The following ERV3-1 variants were observed in gnomAD, a reference collection of about 807,000 sequenced individuals.
ERV3-1 encodes the protein endogenous retrovirus group 3 member 1 Env polyprotein.
In ERV3-1, 36 loss-of-function variants were observed where a neutral mutation model predicts 24.6. The ratio of observed to expected loss-of-function variants is 1.47; its 90% CI spans 1.12 to 1.94. The LOEUF (loss-of-function observed/expected upper bound fraction) is 1.94. Ranked by LOEUF, ERV3-1 falls within the 30% of genes most tolerant of loss-of-function variation. ERV3-1 has a pLI of 0.00. For missense variants in ERV3-1, 578 were observed against 330.9 expected (o/e 1.75, Z -5.79); for synonymous variants, 211 against 122.6 (o/e 1.72, Z -4.76).
chr7:64,998,080 T>A (rs1215049974), intron 1 of ERV3-1, among the ~76,000 whole-genome samples: 1 of 151,902 alleles, frequency 6.6e-6, no homozygotes, highest in Admixed American at 6.6e-5. Flanking sequence ...TAGCCTGGAG[T>A]GTGTCACCAT....
chr7:64,997,955 C>G (rs576404671), intron 1 of ERV3-1, among the ~76,000 whole-genome samples: 1 of 152,118 alleles, frequency 6.6e-6, no homozygotes, highest in Admixed American at 6.5e-5. Flanking sequence ...CCGTGTTTCA[C>G]GGAGGGGCAT....
intron 1 of ERV3-1, among the ~76,000 whole-genome samples, chr7:64,996,590 C>G (rs1387793877): frequency 6.6e-6 from 1 of 152,148 alleles, no homozygotes; most frequent in African/African-American, 2.4e-5. Context: ...TCCTTGTGAC[C>G]CAAAGGTAAT....
intron 1 of ERV3-1, chr7:65,006,008 T>C (rs78940353): frequency 0.043 from 6,623 of 155,100 alleles, 462 homozygotes; most frequent in African/African-American, 0.15. Context: ...TCCTTTATCA[T>C]GCACTTTATA....
intron 1 of ERV3-1, among the ~76,000 whole-genome samples, chr7:64,999,160 C>T (rs1316469042): frequency 3.3e-5 from 5 of 152,174 alleles, no homozygotes; most frequent in Admixed American, 1.3e-4. Context: ...CGTCCTGTAG[C>T]CCCTTAGGTT....
intron 1 of ERV3-1, chr7:65,006,288 C>G (rs541796904): frequency 1.4e-5 from 8 of 585,372 alleles, no homozygotes; most frequent in African/African-American, 1.3e-4. Context: ...GGGGGCAGAG[C>G]TGCCCACAGA....
At chr7:65,001,494 A>G (rs954683370) in intron 1 of ERV3-1, among the ~76,000 whole-genome samples, 2 of 152,200 alleles carry the variant, frequency 1.3e-5, no homozygotes, top group Non-Finnish European at 2.9e-5. Context: ...GGGAGGTGTG[A>G]ACACATCAAT....
Position 64,991,713 on chromosome 7 carries a change from T to C in ERV3-1, c.1314A>G (p.Val438=), listed in dbSNP as rs777809800. 14 of 760,322 alleles carry C rather than the reference T, an allele frequency of 1.8e-5. No homozygotes were observed. The highest frequency in any genetic ancestry group is 5.1e-5 in the African/African-American group (3 of 59,062). The allele number at this position is 760,322 out of a possible 1,614,324, so 47.1% of individuals were successfully genotyped here. A position where few individuals can be genotyped will look rare whatever the true frequency, so the allele number is the denominator to read the frequency against. Residue 438 remains valine (V), a synonymous_variant, in exon 2 of 2, where the codon GTA becomes GTG. Coordinates refer to ENST00000394323, the MANE Select transcript of ERV3-1 (RefSeq NM_001007253.4). ...AGAAGGACGGCCTAATTGTCCCCAG[T>C]ACACAGGCCCCTGACCATTTAGCTG... ...QLPAKWSGAC[V]LGTIRPSFFL...
Position 64,992,772 on chromosome 7 carries a change from C to T in ERV3-1, c.255G>A (p.Lys85=). The part of the protein sequence containing the change: ...RGQPYVCYDP[K]SSPGTWFEIH... ...TTTCAAACCAGGTCCCAGGTGAAGA[C>T]TTAGGGTCATAACACACATAAGGCT... The change falls in exon 2 of 2, where the codon AAG becomes AAA. Residue 85 remains lysine, a synonymous_variant. Coordinates refer to ENST00000394323, the MANE Select transcript of ERV3-1 (RefSeq NM_001007253.4). 1.3e-6 allele frequency: 1 copy of T among 766,430 alleles called. No homozygotes were observed. Among genetic ancestry groups the T allele is most frequent in the Non-Finnish European group, 2.4e-6 (1 of 417,908 alleles). 47.5% of individuals were successfully genotyped at this position (766,430 alleles called of 1,614,324 possible). A position where few individuals can be genotyped will look rare whatever the true frequency, so the allele number is the denominator to read the frequency against.
In ERV3-1 at chr7:64,992,253, A is replaced by G; in HGVS notation, c.774T>C (p.Tyr258=). ...CAGGCAATTTCTGGTTAACATGCTC[A>G]TAGAATGACTCAAAAACTCGGAACT... The part of the protein sequence containing the change: ...TQQFRVFESF[Y]EHVNQKLPEP... Residue 258 remains tyrosine, a synonymous_variant, in exon 2 of 2, where the codon TAT becomes TAC. Transcript: ENST00000394323. 1 of 766,384 alleles carries G rather than the reference A, an allele frequency of 1.3e-6. No homozygotes were observed. Among genetic ancestry groups the G allele is most frequent in the Non-Finnish European group, 2.4e-6 (1 of 417,910 alleles). 47.5% of individuals were successfully genotyped at this position (766,384 alleles called of 1,614,324 possible). A position where few individuals can be genotyped will look rare whatever the true frequency, so the allele number is the denominator to read the frequency against.
rs562935178 is a variant in ERV3-1 at position 64,997,163 on chromosome 7, G to A, written c.-388-3749C>T. ...TCCATGGCTATGTCCACACCCACTC[G>A]CGATGCTAGTTTCCCTTCCTGTGAG... On this transcript the variant is annotated intron_variant, in intron 1 of 1. Coordinates refer to ENST00000394323, the MANE Select transcript of ERV3-1 (RefSeq NM_001007253.4). Among the ~76,000 whole-genome samples, 42 of 152,242 alleles carry A rather than the reference G, an allele frequency of 2.8e-4. 1 individual carries two copies. The highest frequency in any genetic ancestry group is 8.2e-4 in the African/African-American group (34 of 41,526).
chr7:64,997,398 C>T (rs1398991300), intron 1 of ERV3-1, among the ~76,000 whole-genome samples: 1 of 152,196 alleles, frequency 6.6e-6, no homozygotes, highest in Non-Finnish European at 1.5e-5. Context: ...TCTCAGTAGC[C>T]TCAGTGTCAA....
chr7:64,994,197 G>C (rs1055249856), intron 1 of ERV3-1, among the ~76,000 whole-genome samples: 6 of 152,290 alleles, frequency 3.9e-5, no homozygotes, highest in Middle Eastern at 6.8e-3. Flanking sequence ...GGGTTGTTCT[G>C]GGCACAGGTT....
chr7:65,004,535 C>A (rs990578531), intron 1 of ERV3-1: 12 of 152,150 alleles, frequency 7.9e-5, no homozygotes, highest in Non-Finnish European at 4.4e-5. Context: ...CTGAGCCCCA[C>A]CTCTTTTATG....
At chr7:64,998,200 T>C (rs548252877) in intron 1 of ERV3-1, among the ~76,000 whole-genome samples, 66 of 152,338 alleles carry the variant, frequency 4.3e-4, no homozygotes, top group African/African-American at 1.6e-3. Context: ...GTTTTTCTTG[T>C]GGCTTTCCTT....
chr7:65,000,474 C>T (rs1055493800), intron 1 of ERV3-1, among the ~76,000 whole-genome samples: 10 of 152,156 alleles, frequency 6.6e-5, no homozygotes, highest in Admixed American at 2.6e-4. Flanking sequence ...CTGCCCACCT[C>T]GGCCTCCCAA....
Position 65,006,568 on chromosome 7 carries a change from C to T in ERV3-1, c.-416G>A. The T allele has an allele frequency of 6.3e-7, 1 of 1,575,448 alleles. No homozygotes were observed. Among genetic ancestry groups the T allele is most frequent in the South Asian group, 1.1e-5 (1 of 90,364 alleles). ...TTTCTAGGCTTCCAGTGGGTCCTGG[C>T]GTCTTAGCTGTGGATCTCCCAATAC... On this transcript the variant is annotated 5_prime_UTR_variant, in exon 1 of 2. Transcript: ENST00000394323.
At chr7:64,996,443 AAAT>A (rs753791504) in intron 1 of ERV3-1, among the ~76,000 whole-genome samples, 8 of 152,282 alleles carry the variant, frequency 5.3e-5, no homozygotes, top group East Asian at 1.9e-4. Context: ...CAATTGGCCT[AAAT>A]AATAATTTCT....
At chr7:65,001,909 T>C (rs1182732035) in intron 1 of ERV3-1, among the ~76,000 whole-genome samples, 1 of 152,188 alleles carries the variant, frequency 6.6e-6, no homozygotes, top group African/African-American at 2.4e-5. Flanking sequence ...ACAAACCCTA[T>C]AGGTCCATCT....
At chr7:64,999,738 G>C (rs748435463) in intron 1 of ERV3-1, among the ~76,000 whole-genome samples, 5 of 152,180 alleles carry the variant, frequency 3.3e-5, no homozygotes, top group Non-Finnish European at 5.9e-5. Flanking sequence ...ATGGTATGGG[G>C]AAAGAATTTC....
Sources: allele counts gnomAD v4.1 joint callset (sites outside exome capture counted in the v4.1 genomes callset), GRCh38; gene constraint gnomAD v4.1.1; transcripts MANE v1.5; gene names NCBI Gene and HGNC (gene_info 2026-07-23, HGNC 2026-07-21).